RRP15: variants seen among roughly 807,000 people sequenced by gnomAD.
The protein encoded by RRP15 is RRP15-like protein.
RRP15 carries 18 observed loss-of-function variants against 27.1 expected under a neutral mutation model. That is an observed-to-expected ratio of 0.66 (90% CI 0.46 to 0.98). The LOEUF (loss-of-function observed/expected upper bound fraction) is 0.98. Ranked by LOEUF, RRP15 falls within the 50% of genes least tolerant of loss-of-function variation. The pLI is 0.00. For missense variants in RRP15, 359 were observed against 337.8 expected, an observed-to-expected ratio of 1.06 and a Z score of -0.49; for synonymous variants, 107 against 109.4, an observed-to-expected ratio of 0.98 and a Z score of 0.14.
At position 218,324,208 on chromosome 1, in the gene RRP15, C is replaced by T. The variant is rs150752334; in HGVS notation, c.706-6740C>T. 2.8e-3 allele frequency among the ~76,000 whole-genome samples: 432 copies of T among 152,298 alleles called. 5 individuals carry two copies. Among genetic ancestry groups the T allele is most frequent in the African/African-American group, 9.9e-3 (412 of 41,580 alleles). On this transcript the variant is annotated intron_variant, in intron 4 of 4. Transcript: ENST00000366932. ...CCAGGAGCGGGCCTGGGAACTGGTG[C>T]CTACTCCATGTTTTCCCTGCAGCAG... is the stretch of plus-strand genomic sequence containing the variant.
chr1:218,327,567 C>T (rs1379339698), intron 4 of RRP15, among the ~76,000 whole-genome samples: 1 of 152,180 alleles, frequency 6.6e-6, no homozygotes, highest in Non-Finnish European at 1.5e-5. Context: ...GCCTCCCAAA[C>T]TCCTGGGATT....
At chr1:218,296,194 T>C (rs184722074) in intron 1 of RRP15, among the ~76,000 whole-genome samples, 1 of 152,328 alleles carries the variant, frequency 6.6e-6, no homozygotes, top group East Asian at 1.9e-4. Flanking sequence ...TTACATTAGT[T>C]CAGTACACAT....
intron 4 of RRP15, among the ~76,000 whole-genome samples, chr1:218,315,778 T>C (rs918035266): frequency 1.3e-5 from 2 of 151,938 alleles, no homozygotes; most frequent in Non-Finnish European, 2.9e-5. Flanking sequence ...TTAAATCAAG[T>C]TGGGGTGTGG....
At chr1:218,314,219 C>T (rs1656045659) in intron 4 of RRP15, among the ~76,000 whole-genome samples, 1 of 152,008 alleles carries the variant, frequency 6.6e-6, no homozygotes, top group African/African-American at 2.4e-5. Context: ...GCAACAAAAA[C>T]ATATTTTTTA....
Position 218,331,020 on chromosome 1 carries a change from A to G in RRP15, c.778A>G (p.Lys260Glu). The G allele has an allele frequency of 1.9e-6, 3 of 1,613,874 alleles. No homozygotes were observed. The highest frequency in any genetic ancestry group is 3.3e-4 in the Middle Eastern group (2 of 6,060). ...RDDFMMGASM[K>E]DWDKESDGPD... ...TGATTTCATGATGGGAGCATCTATGAAAGACTGGGACAAGGAAAGTGATGG... is the reference window on the plus strand; with the variant it reads ...TGATTTCATGATGGGAGCATCTATGGAAGACTGGGACAAGGAAAGTGATGG... The change falls in exon 5 of 5, where the codon AAA becomes GAA. Residue 260 changes from lysine (K) to glutamate (E), a missense_variant. By Grantham distance (56) the Lys-to-Glu change is moderately conservative. Transcript: ENST00000366932.
chr1:218,335,006 A>G lies in RRP15; in HGVS notation c.*3915A>G, dbSNP rs1247867530. 2 of 152,188 alleles carry G rather than the reference A, an allele frequency of 1.3e-5. No homozygotes were observed. Among genetic ancestry groups the G allele is most frequent in the East Asian group, 3.9e-4 (2 of 5,194 alleles). 9.4% of individuals were successfully genotyped at this position (152,188 alleles called of 1,614,324 possible). ...ATCTGTGAATAGATTTAGAAGTAGA[A>G]TGTTTGAGGTGGTTGACAAGACATT... On this transcript the variant is annotated 3_prime_UTR_variant, in exon 5 of 5. Coordinates refer to ENST00000366932, the MANE Select transcript of RRP15 (RefSeq NM_016052.4).
Position 218,332,401 on chromosome 1 carries a change from TC to T in RRP15, c.*1311del, listed in dbSNP as rs1226265388. 6.6e-6 allele frequency: 1 copy of T among 152,168 alleles called. No individual in the cohort carries two copies. The highest frequency in any genetic ancestry group is 2.4e-5 in the African/African-American group (1 of 41,450). The allele number at this position is 152,168 out of a possible 1,614,324, so 9.4% of individuals were successfully genotyped here. A position where few individuals can be genotyped will look rare whatever the true frequency, so the allele number is the denominator to read the frequency against. On this transcript the variant is annotated 3_prime_UTR_variant, in exon 5 of 5. Coordinates refer to ENST00000366932, the MANE Select transcript of RRP15 (RefSeq NM_016052.4). ...AATTTTTGTGAAATGTGGCCCAAGATCTAAAGTTTTTAAGGGAATTATTTTT... is the reference window on the plus strand; with the variant it reads ...AATTTTTGTGAAATGTGGCCCAAGATTAAAGTTTTTAAGGGAATTATTTTT...
chr1:218,306,416 C>T (rs1017236626), intron 3 of RRP15, among the ~76,000 whole-genome samples: 1 of 152,006 alleles, frequency 6.6e-6, no homozygotes, highest in Non-Finnish European at 1.5e-5. Flanking sequence ...TGCTCTTTGT[C>T]GGGGGGAGAT....
intron 1 of RRP15, among the ~76,000 whole-genome samples, chr1:218,300,042 A>G (rs540260357): frequency 6.0e-4 from 91 of 152,102 alleles, no homozygotes; most frequent in African/African-American, 2.1e-3. Context: ...CTATATTTGT[A>G]TGTTAAAGCC....
Position 218,307,610 on chromosome 1 carries a change from G to A in RRP15, c.683G>A (p.Arg228Lys), listed in dbSNP as rs201285496. ...DGSTNETASSRKKPKAKQTEV... is the reference protein window; with the variant it reads ...DGSTNETASSKKKPKAKQTEV... ...AGTACAAATGAGACTGCTTCAAGCA[G>A]GAAGAAACCAAAAGCCAAACAGGTA... is the stretch of plus-strand genomic sequence containing the variant. The change falls in exon 4 of 5, where the codon AGG becomes AAG. Residue 228 changes from arginine (R) to lysine (K), a missense_variant. Coordinates refer to ENST00000366932, the MANE Select transcript of RRP15 (RefSeq NM_016052.4). 6.2e-7 allele frequency: 1 copy of A among 1,613,606 alleles called. No homozygotes were observed. Among genetic ancestry groups the A allele is most frequent in the East Asian group, 2.2e-5 (1 of 44,828 alleles).
rs200662574 is a variant in RRP15, at chr1:218,306,395, G to A, written c.504-1036G>A. On this transcript the variant is annotated intron_variant, in intron 3 of 4. Coordinates refer to ENST00000366932, the MANE Select transcript of RRP15 (RefSeq NM_016052.4). ...GGATTCTATCACTTTTATACTGATT[G>A]GTAACAAGCCTGCTCTTTGTCGGGG... Among the ~76,000 whole-genome samples, 17 of 152,244 alleles carry A rather than the reference G, an allele frequency of 1.1e-4. No individual in the cohort carries two copies. The East Asian group carries it at 2.7e-3, about 24-fold the overall frequency.
intron 4 of RRP15, among the ~76,000 whole-genome samples, chr1:218,315,581 C>T (rs1656076201): frequency 6.6e-6 from 1 of 151,880 alleles, no homozygotes; most frequent in African/African-American, 2.4e-5. Flanking sequence ...GCGCATGCCA[C>T]CGCACCTGGC....
chr1:218,308,443 ATTG>A (rs1354632443), intron 4 of RRP15, among the ~76,000 whole-genome samples: 4 of 151,864 alleles, frequency 2.6e-5, no homozygotes, highest in Admixed American at 2.0e-4. Context: ...GTGGGTTTCT[ATTG>A]TTGTCGTTTT....
intron 4 of RRP15, among the ~76,000 whole-genome samples, chr1:218,309,808 G>A (rs1655964448): frequency 6.6e-6 from 1 of 151,426 alleles, no homozygotes; most frequent in African/African-American, 2.4e-5. Flanking sequence ...AAATAAGTAA[G>A]CAAGATTAAC....
At position 218,285,311 on chromosome 1, in the gene RRP15, A is replaced by C; in HGVS notation, c.-6A>C. 3 of 1,613,226 alleles carry C rather than the reference A, an allele frequency of 1.9e-6. No homozygotes were observed. The highest frequency in any genetic ancestry group is 1.7e-4 in the Middle Eastern group (1 of 6,050). ...AACTGTCAGGTGACGCTTCCGGCGCAGAAAAATGGCAGCCGCCGCTCCGGA... is the reference window on the plus strand; with the variant it reads ...AACTGTCAGGTGACGCTTCCGGCGCCGAAAAATGGCAGCCGCCGCTCCGGA... On this transcript the variant is annotated 5_prime_UTR_variant, in exon 1 of 5. Coordinates refer to ENST00000366932, the MANE Select transcript of RRP15 (RefSeq NM_016052.4).
intron 3 of RRP15, among the ~76,000 whole-genome samples, chr1:218,306,322 C>A (rs1040469544): frequency 6.6e-6 from 1 of 152,112 alleles, no homozygotes; most frequent in Non-Finnish European, 1.5e-5. Context: ...TAGATGGATG[C>A]CCGCATGTGC....
intron 4 of RRP15, among the ~76,000 whole-genome samples, chr1:218,322,801 T>G (rs1034691059): frequency 7.9e-5 from 12 of 152,158 alleles, no homozygotes; most frequent in Non-Finnish European, 1.3e-4. Flanking sequence ...CCTGTTTTGC[T>G]CGGTCCTATG....
Position 218,298,664 on chromosome 1 carries a change from G to A in RRP15, c.140-3630G>A, listed in dbSNP as rs538815999. On this transcript the variant is annotated intron_variant, in intron 1 of 4. Transcript: ENST00000366932. ...AAATGCGTTATGACTACCTCAGTAC[G>A]TCGGAGGTTTAGCCCTGCTCTGTTC... Among the ~76,000 whole-genome samples, 4 of 152,262 alleles carry A rather than the reference G, an allele frequency of 2.6e-5. No individual in the cohort carries two copies. In the South Asian group the frequency reaches 6.2e-4, roughly 24 times the overall value.
At position 218,302,471 on chromosome 1, in the gene RRP15, A is replaced by T. The variant is rs1357884705; in HGVS notation, c.317A>T (p.Glu106Val). Residue 106 changes from glutamate to valine, a missense_variant, in exon 2 of 5, where the codon GAA becomes GTA. Transcript: ENST00000366932. ...MAKVLNKKTP[E>V]SKPTILVKNK... is the part of the protein sequence containing the mutation. ...AAAGTCCTCAACAAGAAAACTCCTG[A>T]AAGTAAACCTACTATTCTGGTCAAA... The T allele has an allele frequency of 6.2e-7, 1 of 1,614,062 alleles. No homozygotes were observed. The highest frequency in any genetic ancestry group is 2.2e-5 in the East Asian group (1 of 44,880).
Sources: gnomAD v4.1 joint callset for allele counts (sites outside exome capture counted in the v4.1 genomes callset) on GRCh38, gnomAD v4.1.1 for gene constraint, MANE v1.5 for transcripts, NCBI Gene and HGNC (gene_info 2026-07-23, HGNC 2026-07-21) for gene names.